SFMBT2: variants seen among roughly 807,000 people sequenced by gnomAD.
SFMBT2 encodes Scm like with four mbt domains 2.
In SFMBT2, 38 loss-of-function variants were observed where a neutral mutation model predicts 110.1. That is an observed-to-expected ratio of 0.35 (90% CI 0.27 to 0.45). SFMBT2 has a LOEUF of 0.45. SFMBT2 is among the 20% of genes least tolerant of loss of function. The probability of loss-of-function intolerance (pLI) is 1.00; values close to 1 mark genes in which losing one functional copy is unlikely to be tolerated. For synonymous variants in SFMBT2, 425 were observed against 425.4 expected, an observed-to-expected ratio of 1.00 and a Z score of 0.01; for missense variants, 1,011 against 1,094.9, an observed-to-expected ratio of 0.92 and a Z score of 1.08.
intron 20 of SFMBT2, among the ~76,000 whole-genome samples, chr10:7,166,823 C>A (rs1837709981): frequency 6.6e-6 from 1 of 152,144 alleles, no homozygotes; most frequent in African/African-American, 2.4e-5. Context: ...ACTGGGGAGA[C>A]ACCAAAGGTA....
At chr10:7,353,674 AT>A (rs563085319) in intron 4 of SFMBT2, among the ~76,000 whole-genome samples, 181 of 152,302 alleles carry the variant, frequency 1.2e-3, no homozygotes, top group African/African-American at 3.7e-3. Flanking sequence ...CATTTCAATC[AT>A]CACAAAGGAT....
chr10:7,386,601 A>G (rs1330827733), intron 1 of SFMBT2, among the ~76,000 whole-genome samples: 1 of 152,128 alleles, frequency 6.6e-6, no homozygotes, highest in Non-Finnish European at 1.5e-5. Flanking sequence ...GAGCAAAAAA[A>G]AAAATTCTGT....
At chr10:7,336,571 C>T (rs1843721487) in intron 4 of SFMBT2, among the ~76,000 whole-genome samples, 1 of 152,140 alleles carries the variant, frequency 6.6e-6, no homozygotes, top group Admixed American at 6.6e-5. Flanking sequence ...GGGAGGATCA[C>T]TGAGCTCAGG....
Position 7,202,500 on chromosome 10 carries a change from T to C in SFMBT2, c.1467A>G (p.Ala489=), listed in dbSNP as rs1281411107. The part of the protein sequence containing the change: ...KTVSQKKRKI[A]VVQPEKQLPP... Reference sequence around the variant, plus strand: ...CGTACTGTTTCTCTGGTTGCACGACTGCAATCTTTCTCTTCTTTTGTGCTG... The same window carrying C: ...CGTACTGTTTCTCTGGTTGCACGACCGCAATCTTTCTCTTCTTTTGTGCTG... The change falls in exon 13 of 21, where the codon GCA becomes GCG. Residue 489 remains alanine (A), a synonymous_variant. Coordinates refer to ENST00000397167, the MANE Select transcript of SFMBT2 (RefSeq NM_001387889.1). 3 of 1,614,104 alleles carry C rather than the reference T, an allele frequency of 1.9e-6. No individual in the cohort carries two copies. The highest frequency in any genetic ancestry group is 2.5e-6 in the Non-Finnish European group (3 of 1,180,048).
At chr10:7,241,577 T>C (rs1449142267) in intron 9 of SFMBT2, among the ~76,000 whole-genome samples, 1 of 152,190 alleles carries the variant, frequency 6.6e-6, no homozygotes, top group Non-Finnish European at 1.5e-5. Flanking sequence ...TGATCATAAC[T>C]AAATATTATG....
chr10:7,187,113 T>G (rs1838440807), intron 16 of SFMBT2, among the ~76,000 whole-genome samples: 1 of 152,222 alleles, frequency 6.6e-6, no homozygotes, highest in Non-Finnish European at 1.5e-5. Context: ...AAAATGAACT[T>G]CCTCTCACTG....
intron 7 of SFMBT2, 83 bp from the exon 8 acceptor site, chr10:7,248,732 T>A: frequency 8.1e-7 from 1 of 1,231,150 alleles, no homozygotes; most frequent in Non-Finnish European, 1.2e-6. Context: ...CCTGGAGCAT[T>A]TTATTGGGCA....
chr10:7,406,597 A>G (rs979834990), intron 1 of SFMBT2, among the ~76,000 whole-genome samples: 5 of 152,200 alleles, frequency 3.3e-5, no homozygotes, highest in Non-Finnish European at 5.9e-5. Context: ...CTGGCTTTTT[A>G]AAAGTCTTGA....
chr10:7,180,657 C>T (rs574289875), intron 16 of SFMBT2, among the ~76,000 whole-genome samples: 35 of 152,302 alleles, frequency 2.3e-4, no homozygotes, highest in African/African-American at 7.9e-4. Context: ...CTTCCAAAGG[C>T]ATTGGTCCCA....
At chr10:7,319,264 A>T (rs1843101903) in intron 4 of SFMBT2, among the ~76,000 whole-genome samples, 1 of 152,228 alleles carries the variant, frequency 6.6e-6, no homozygotes, top group Admixed American at 6.5e-5. Context: ...AACTGTGCAC[A>T]TGTCTTTCTT....
In SFMBT2 at chr10:7,348,224, G is replaced by C. The variant is rs866503475; in HGVS notation, c.436+19425C>G. ...TGTTTGAGGGTGGTGGGAGAGGTTCGTGTGGGATCGGGGAGTTGTTTCATT... is the reference window on the plus strand; with the variant it reads ...TGTTTGAGGGTGGTGGGAGAGGTTCCTGTGGGATCGGGGAGTTGTTTCATT... On this transcript the variant is annotated intron_variant, in intron 4 of 20. Coordinates refer to ENST00000397167, the MANE Select transcript of SFMBT2 (RefSeq NM_001387889.1). 2.9e-6 allele frequency: 4 copies of C among 1,398,820 alleles called. No individual in the cohort carries two copies. In the South Asian group the frequency reaches 6.0e-5, roughly 21 times the overall value. The allele number at this position is 1,398,820 out of a possible 1,614,324, so 86.7% of individuals were successfully genotyped here.
chr10:7,196,128 T>G (rs1363087929), intron 15 of SFMBT2, among the ~76,000 whole-genome samples: 1 of 152,154 alleles, frequency 6.6e-6, no homozygotes, highest in African/African-American at 2.4e-5. Context: ...AGGGAAAGCT[T>G]GAGTCTCGCA....
chr10:7,346,214 C>T (rs903012394), intron 4 of SFMBT2, among the ~76,000 whole-genome samples: 3 of 152,170 alleles, frequency 2.0e-5, no homozygotes, highest in African/African-American at 7.2e-5. Flanking sequence ...TGAATCGAAA[C>T]ATTTTAATCA....
chr10:7,349,466 T>TTTTG (rs1844239262), intron 4 of SFMBT2, among the ~76,000 whole-genome samples: 4 of 131,460 alleles, frequency 3.0e-5, no homozygotes, highest in East Asian at 2.1e-4. Flanking sequence ...TTTTTTTTTT[T>TTTTG]GCGGGGGGGA....
chr10:7,342,394 G>GTTTTTT (rs1411169372), intron 4 of SFMBT2, among the ~76,000 whole-genome samples: 20 of 90,912 alleles, frequency 2.2e-4, no homozygotes, highest in Non-Finnish European at 3.7e-4. Flanking sequence ...ACTGGAGTGA[G>GTTTTTT]TCTTTTTTTT....
At chr10:7,306,126 AG>A (rs1348186757) in intron 4 of SFMBT2, among the ~76,000 whole-genome samples, 4 of 152,254 alleles carry the variant, frequency 2.6e-5, no homozygotes, top group Admixed American at 1.3e-4. Flanking sequence ...TTATGTTCAT[AG>A]GGGTCAAAAA....
At chr10:7,193,621 G>A (rs1011207961) in intron 15 of SFMBT2, among the ~76,000 whole-genome samples, 11 of 151,014 alleles carry the variant, frequency 7.3e-5, no homozygotes, top group Admixed American at 6.6e-5. Context: ...CAGGACCCAC[G>A]GACAGGAGTA....
At chr10:7,368,349 T>G (rs773200554) in intron 3 of SFMBT2, 98 of 985,208 alleles carry the variant, frequency 9.9e-5, no homozygotes, top group Non-Finnish European at 1.1e-4. Context: ...ATGGAGTTGT[T>G]TTTTAATTAA....
chr10:7,224,463 T>C (rs1588356638), intron 10 of SFMBT2, among the ~76,000 whole-genome samples: 1 of 152,314 alleles, frequency 6.6e-6, no homozygotes, highest in Middle Eastern at 3.4e-3. Flanking sequence ...ATATGGTTCA[T>C]CAGGCCAGAG....
Sources: gnomAD v4.1 joint callset for allele counts (sites outside exome capture counted in the v4.1 genomes callset) on GRCh38, gnomAD v4.1.1 for gene constraint, MANE v1.5 for transcripts, NCBI Gene and HGNC (gene_info 2026-07-23, HGNC 2026-07-21) for gene names.